The following STYXL2 variants were observed in gnomAD, a reference collection of about 807,000 sequenced individuals.
STYXL2 encodes serine/threonine/tyrosine-interacting-like protein 2.
In STYXL2, 44 loss-of-function variants were observed where a neutral mutation model predicts 52.4. That is an observed-to-expected ratio of 0.84 (90% CI 0.66 to 1.08). STYXL2 has a LOEUF of 1.08. Ranked by LOEUF, STYXL2 falls within the 50% of genes least tolerant of loss-of-function variation. The pLI is 0.00. For missense variants in STYXL2, 1,604 were observed against 1,471.7 expected, an observed-to-expected ratio of 1.09 and a Z score of -1.47; for synonymous variants, 604 against 586.9, an observed-to-expected ratio of 1.03 and a Z score of -0.42.
At chr1:167,114,985 TG>T (rs1667697232) in intron 3 of STYXL2, among the ~76,000 whole-genome samples, 1 of 152,226 alleles carries the variant, frequency 6.6e-6, no homozygotes, top group Admixed American at 6.5e-5. Flanking sequence ...TGCTTCATTC[TG>T]TGGACCATTC....
At chr1:167,101,250 A>T (rs1275353417) in intron 2 of STYXL2, among the ~76,000 whole-genome samples, 1 of 152,222 alleles carries the variant, frequency 6.6e-6, no homozygotes, top group African/African-American at 2.4e-5. Context: ...ATCATTAGGG[A>T]CACACAAATC....
rs1200309075 is a variant in STYXL2 at position 167,128,174 on chromosome 1, G to A, written c.3043G>A (p.Gly1015Ser). The A allele has an allele frequency of 6.2e-7, 1 of 1,614,200 alleles. No individual in the cohort carries two copies. Among genetic ancestry groups the A allele is most frequent in the South Asian group, 1.1e-5 (1 of 91,082 alleles). Residue 1015 changes from glycine to serine, a missense_variant, in exon 6 of 6, where the codon GGC becomes AGC. Transcript: ENST00000361200. ...GTTCTCATCTTCCTCCACCAGGGAG[G>A]GCAGAGAGATGCACAAGTTCTCCAG... ...SRFSSSSTRE[G>S]REMHKFSRST...
Position 167,111,513 on chromosome 1 carries a change from T to TATACAC in STYXL2, c.111-2196_111-2195insTACACA, listed in dbSNP as rs1211215448. On this transcript the variant is annotated intron_variant, in intron 2 of 5. Coordinates refer to ENST00000361200, the MANE Select transcript of STYXL2 (RefSeq NM_001080426.3). ...ATATATATATATATATATATATATA[T>TATACAC]ACACACACACACACACAAATATATA... 2.5e-3 allele frequency among the ~76,000 whole-genome samples: 123 copies of TATACAC among 49,938 alleles called. 2 individuals are homozygous for TATACAC. Among genetic ancestry groups the TATACAC allele is most frequent in the Middle Eastern group, 9.6e-3 (1 of 104 alleles). The allele number at this position is 49,938 out of a possible 152,430, so 32.8% of individuals were successfully genotyped here.
At chr1:167,110,558 A>G (rs971430473) in intron 2 of STYXL2, among the ~76,000 whole-genome samples, 4 of 152,248 alleles carry the variant, frequency 2.6e-5, no homozygotes, top group Admixed American at 2.6e-4. Context: ...GAAATGAAAG[A>G]CACACTTAGG....
At position 167,117,460 on chromosome 1, in the gene STYXL2, C is replaced by A. The variant is rs766096668; in HGVS notation, c.338C>A (p.Pro113His). ...KMDDTSLYNTPCVLDLQRALV... is the reference protein window; with the variant it reads ...KMDDTSLYNTHCVLDLQRALV... ...GATGACACCAGCCTCTATAATACGCCCTGTGTCCTGGACCTACAGCGGGCC... is the reference window on the plus strand; with the variant it reads ...GATGACACCAGCCTCTATAATACGCACTGTGTCCTGGACCTACAGCGGGCC... The change falls in exon 4 of 6, where the codon CCC becomes CAC. Residue 113 changes from proline (P) to histidine (H), a missense_variant. By Grantham distance (77) the Pro-to-His change is moderately conservative. Transcript: ENST00000361200. The A allele has an allele frequency of 1.2e-6, 2 of 1,612,664 alleles. No individual in the cohort carries two copies. The highest frequency in any genetic ancestry group is 1.1e-5 in the South Asian group (1 of 90,542).
chr1:167,127,751 G>A lies in STYXL2; in HGVS notation c.2620G>A (p.Val874Ile). ...CAGCTCCCTCTTCAAGAAGAAGAAG[G>A]TCAAGGAAGATGAGGATGATGGTGT... ...KRSSLFKKKK[V>I]KEDEDDGVGD... The change falls in exon 6 of 6, where the codon GTC becomes ATC. Residue 874 changes from valine to isoleucine, a missense_variant. Transcript: ENST00000361200. The A allele has an allele frequency of 6.2e-7, 1 of 1,613,960 alleles. No individual in the cohort carries two copies. The highest frequency in any genetic ancestry group is 8.5e-7 in the Non-Finnish European group (1 of 1,180,000).
In STYXL2 at chr1:167,094,922, G is replaced by T; in HGVS notation, c.73G>T (p.Val25Leu). Residue 25 changes from valine to leucine, a missense_variant, in exon 2 of 6, where the codon GTG (valine) becomes TTG (leucine). Transcript: ENST00000361200. The part of the protein sequence containing the change: ...SEEDEANVRA[V>L]QAHYLRSPSP... ...GGAGGACGAAGCCAACGTGAGGGCG[G>T]TGCAGGCCCACTACCTCCGAAGCCC... 6.2e-7 allele frequency: 1 copy of T among 1,611,542 alleles called. No homozygotes were observed. Among genetic ancestry groups the T allele is most frequent in the Non-Finnish European group, 8.5e-7 (1 of 1,179,210 alleles).
chr1:167,124,094 T>G (rs1667913012), intron 5 of STYXL2, among the ~76,000 whole-genome samples: 1 of 151,652 alleles, frequency 6.6e-6, no homozygotes, highest in Non-Finnish European at 1.5e-5. Flanking sequence ...TTGTTTTTTT[T>G]AGAGACGAGG....
At position 167,127,908 on chromosome 1, in the gene STYXL2, G is replaced by A. The variant is rs746898487; in HGVS notation, c.2777G>A (p.Arg926Lys). The change falls in exon 6 of 6, where the codon AGA becomes AAA. Residue 926 changes from arginine to lysine, a missense_variant. Coordinates refer to ENST00000361200, the MANE Select transcript of STYXL2 (RefSeq NM_001080426.3). Reference sequence around the variant, plus strand: ...TGTGATCACTATGCAAGTGGCAGCAGAGTTGGCAAAGAGATGGATAGCAGT... The same window carrying A: ...TGTGATCACTATGCAAGTGGCAGCAAAGTTGGCAAAGAGATGGATAGCAGT... ...AVCDHYASGS[R>K]VGKEMDSSIN... 1.9e-6 allele frequency: 3 copies of A among 1,614,166 alleles called. No homozygotes were observed. The Admixed American group carries it at 5.0e-5, about 27-fold the overall frequency.
chr1:167,111,501 TATATATATATATACACACAC>T (rs1667619404), intron 2 of STYXL2, among the ~76,000 whole-genome samples: 1 of 48,100 alleles, frequency 2.1e-5, no homozygotes, highest in African/African-American at 1.6e-4. Flanking sequence ...TATATATATA[TATATATATATATACACACAC>T]ACACACACAA....
Position 167,126,355 on chromosome 1 carries a change from C to G in STYXL2, c.1224C>G (p.Tyr408Ter). ...ACGAGAGGTACCAAGCAGAAGGGTA[C>G]CGGAGGTGGGGAAGGGAGGAGGAGA... ...SRNERYQAEG[Y>*]RRWGREEEKE... Residue 408 changes from tyrosine to a stop codon, truncating the protein, a stop_gained, in exon 6 of 6, where the codon TAC becomes TAG. Transcript: ENST00000361200. LOFTEE classifies it low-confidence loss of function (END_TRUNC). 6.5e-7 allele frequency: 1 copy of G among 1,540,614 alleles called. No homozygotes were observed. Among genetic ancestry groups the G allele is most frequent in the Non-Finnish European group, 8.8e-7 (1 of 1,142,050 alleles).
chr1:167,122,128 G>A (rs1667869846), intron 5 of STYXL2, among the ~76,000 whole-genome samples: 1 of 152,060 alleles, frequency 6.6e-6, no homozygotes, highest in South Asian at 2.1e-4. Flanking sequence ...AGATTAAGTG[G>A]TGACTTTGTA....
chr1:167,114,889 C>T (rs969676318), intron 3 of STYXL2, among the ~76,000 whole-genome samples: 11 of 152,176 alleles, frequency 7.2e-5, no homozygotes, highest in African/African-American at 2.7e-4. Flanking sequence ...TTGCTCCCAG[C>T]ACCACTATAG....
intron 3 of STYXL2, 119 bp downstream of exon 3, chr1:167,113,923 G>A (rs1307056046): frequency 6.4e-6 from 5 of 778,992 alleles, no homozygotes; most frequent in Non-Finnish European, 8.9e-6. Context: ...GTTAGGAAGA[G>A]CAGATCTGCA....
rs1667980747 is a variant in STYXL2 at position 167,126,808 on chromosome 1, A to G, written c.1677A>G (p.Lys559=). 1 of 1,614,192 alleles carries G rather than the reference A, an allele frequency of 6.2e-7. No homozygotes were observed. Among genetic ancestry groups the G allele is most frequent in the Non-Finnish European group, 8.5e-7 (1 of 1,180,034 alleles). ...GAATCCAATTTGGATTTCACAAGAA[A>G]GACTTGGGAGCGGGAGACAGCAGCG... is the stretch of plus-strand genomic sequence containing the variant. The part of the protein sequence containing the change: ...IKRIQFGFHK[K]DLGAGDSSGE... Residue 559 remains lysine (K), a synonymous_variant, in exon 6 of 6, where the codon AAA becomes AAG. Transcript: ENST00000361200.
chr1:167,113,316 C>A (rs1232051927), intron 2 of STYXL2, among the ~76,000 whole-genome samples: 2 of 152,062 alleles, frequency 1.3e-5, no homozygotes, highest in Non-Finnish European at 2.9e-5. Flanking sequence ...AGAAGACTGG[C>A]AGAGGCAAAA....
Position 167,128,622 on chromosome 1 carries a change from T to C in STYXL2, c.*14T>C, listed in dbSNP as rs1558029589. 1.3e-6 allele frequency: 2 copies of C among 1,599,710 alleles called. No individual in the cohort carries two copies. Among genetic ancestry groups the C allele is most frequent in the Non-Finnish European group, 8.5e-7 (1 of 1,175,896 alleles). On this transcript the variant is annotated 3_prime_UTR_variant, in exon 6 of 6. Coordinates refer to ENST00000361200, the MANE Select transcript of STYXL2 (RefSeq NM_001080426.3). The stretch of plus-strand genomic sequence containing the variant: ...AGGGAGGACTGAGCTGGGGAAAATC[T>C]GAGAACACTGAAAGAAACCACTCAC...
At chr1:167,094,603 A>G (rs1286321110) in intron 1 of STYXL2, among the ~76,000 whole-genome samples, 2 of 152,010 alleles carry the variant, frequency 1.3e-5, no homozygotes, top group Non-Finnish European at 2.9e-5. Flanking sequence ...CCACACTGGC[A>G]CTTCAATATT....
chr1:167,128,816 G>A lies in STYXL2; in HGVS notation c.*208G>A. ...GGAGAACCATCAATACGAATACGAG[G>A]TCCGAATGCGGACCAACTGATACCA... On this transcript the variant is annotated 3_prime_UTR_variant, in exon 6 of 6. Transcript: ENST00000361200. 1 of 741,068 alleles carries A rather than the reference G, an allele frequency of 1.3e-6. No individual in the cohort carries two copies. The highest frequency in any genetic ancestry group is 2.1e-5 in the South Asian group (1 of 48,666). 45.9% of individuals were successfully genotyped at this position (741,068 alleles called of 1,614,324 possible).
Sources: gnomAD v4.1 joint callset for allele counts (sites outside exome capture counted in the v4.1 genomes callset) on GRCh38, gnomAD v4.1.1 for gene constraint, MANE v1.5 for transcripts, NCBI Gene and HGNC (gene_info 2026-07-23, HGNC 2026-07-21) for gene names.